TACC2: variants seen among roughly 807,000 people sequenced by gnomAD.
The protein encoded by TACC2 is transforming acidic coiled-coil containing protein 2.
Under a neutral mutation model 227.3 loss-of-function variants are expected in TACC2, and 137 were observed. The ratio of observed to expected loss-of-function variants is 0.60; its 90% CI spans 0.52 to 0.69. TACC2 has a LOEUF of 0.69. Among genes scored for constraint, TACC2 ranks in the 30% least tolerant of loss-of-function variants. TACC2 has a pLI of 0.00. For missense variants in TACC2, 3,470 were observed against 3,694.4 expected (o/e 0.94, Z 1.57); for synonymous variants, 1,523 against 1,487.5 (o/e 1.02, Z -0.55).
intron 7 of TACC2, among the ~76,000 whole-genome samples, chr10:122,193,318 A>G (rs1350586968): frequency 6.6e-6 from 1 of 152,122 alleles, no homozygotes; most frequent in Non-Finnish European, 1.5e-5. Context: ...ATTGATACAG[A>G]TTTTCTGAAG....
chr10:122,167,046 T>A (rs1040568481), intron 7 of TACC2, among the ~76,000 whole-genome samples: 11 of 152,204 alleles, frequency 7.2e-5, no homozygotes, highest in African/African-American at 2.7e-4. Flanking sequence ...GTCCTTTATG[T>A]AGTTGGAGAC....
chr10:122,248,655 G>T lies in TACC2; in HGVS notation c.8405G>T (p.Arg2802Ile), dbSNP rs2096183386. 1 of 1,613,232 alleles carries T rather than the reference G, an allele frequency of 6.2e-7. No homozygotes were observed. The highest frequency in any genetic ancestry group is 1.3e-5 in the African/African-American group (1 of 74,910). The change falls in exon 20 of 23, where the codon AGA becomes ATA. Residue 2802 changes from arginine (R) to isoleucine (I), a missense_variant. This residue lies in a region of TACC2 where 65 missense variants were observed against 119.3 expected (regional missense o/e 0.54). Transcript: ENST00000369005. The part of the protein sequence containing the change: ...TIAQMIEDEQ[R>I]EKSVSHQTVQ... Reference sequence around the variant, plus strand: ...TCTCTCCTGCCAGAGGACGAACAGAGAGAGAAGTCAGTCTCCCACCAGACG... The same window carrying T: ...TCTCTCCTGCCAGAGGACGAACAGATAGAGAAGTCAGTCTCCCACCAGACG...
chr10:122,253,534 T>A (rs1397961671), intron 22 of TACC2, among the ~76,000 whole-genome samples: 1 of 151,846 alleles, frequency 6.6e-6, no homozygotes, highest in African/African-American at 2.4e-5. Flanking sequence ...CTCTGAGCAA[T>A]GCCAGTGATC....
chr10:122,105,944 CTGTGTGTGTG>C (rs71022897), intron 5 of TACC2, among the ~76,000 whole-genome samples: 8 of 145,166 alleles, frequency 5.5e-5, no homozygotes, highest in African/African-American at 2.1e-4. Flanking sequence ...TTTTCTCTCT[CTGTGTGTGTG>C]TGTGTGTGTG....
chr10:122,087,794 A>G lies in TACC2; in HGVS notation c.5294A>G (p.His1765Arg), dbSNP rs1434105447. ...APGMEGTAALHGDSPARPQQA... is the reference protein window; with the variant it reads ...APGMEGTAALRGDSPARPQQA... ...GGGATGGAGGGTACAGCTGCCCTTC[A>G]TGGGGACAGCCCAGCCAGGCCCCAG... Residue 1765 changes from histidine to arginine, a missense_variant, in exon 4 of 23, where the codon CAT (histidine) becomes CGT (arginine). This residue lies in a region of TACC2 where 1,924 missense variants were observed against 1,978.3 expected (regional missense o/e 0.97). Transcript: ENST00000369005. 7 of 1,591,696 alleles carry G rather than the reference A, an allele frequency of 4.4e-6. No homozygotes were observed. The Admixed American group carries it at 1.0e-4, about 23-fold the overall frequency.
intron 7 of TACC2, among the ~76,000 whole-genome samples, chr10:122,160,877 C>T (rs868641774): frequency 2.0e-5 from 3 of 152,202 alleles, no homozygotes; most frequent in Non-Finnish European, 4.4e-5. Context: ...ATAATTTACA[C>T]AAACTAATCA....
At chr10:122,128,433 T>C (rs924967033) in intron 5 of TACC2, among the ~76,000 whole-genome samples, 1 of 152,190 alleles carries the variant, frequency 6.6e-6, no homozygotes, top group African/African-American at 2.4e-5. Context: ...TAGGTGAAAA[T>C]GCCATCACGT....
chr10:122,239,674 C>T lies in TACC2; in HGVS notation c.8348+1637C>T, dbSNP rs187927531. Among the ~76,000 whole-genome samples, 96 of 152,240 alleles carry T rather than the reference C, an allele frequency of 6.3e-4. 1 individual carries two copies. In the East Asian group the frequency reaches 0.013, roughly 20 times the overall value. ...TTTTGCCTCCTGGGAGCTTTGCCTTCTTGGTGCCTGGGGAGTGCTTATTCG... is the reference window on the plus strand; with the variant it reads ...TTTTGCCTCCTGGGAGCTTTGCCTTTTTGGTGCCTGGGGAGTGCTTATTCG... On this transcript the variant is annotated intron_variant, in intron 18 of 22. Transcript: ENST00000369005.
intron 1 of TACC2, among the ~76,000 whole-genome samples, chr10:122,005,542 G>A (rs988764484): frequency 2.7e-5 from 4 of 149,864 alleles, no homozygotes; most frequent in East Asian, 2.0e-4. Flanking sequence ...TCACCACCAC[G>A]CCCGGCTGAT....
chr10:122,056,724 C>T (rs4751866), intron 3 of TACC2, among the ~76,000 whole-genome samples: 22,328 of 152,150 alleles, frequency 0.15, 2,027 homozygotes, highest in East Asian at 0.32. Flanking sequence ...CTGAACTGGA[C>T]CTCTCTAGGG....
intron 2 of TACC2, among the ~76,000 whole-genome samples, chr10:122,032,716 T>G (rs1041741430): frequency 5.3e-5 from 8 of 152,160 alleles, no homozygotes; most frequent in African/African-American, 1.9e-4. Context: ...TCCCAGCACT[T>G]TGGGAGACCG....
intron 7 of TACC2, among the ~76,000 whole-genome samples, chr10:122,162,455 A>G (rs887095168): frequency 1.1e-4 from 16 of 152,210 alleles, no homozygotes; most frequent in African/African-American, 3.6e-4. Flanking sequence ...GGAAATGTGG[A>G]AGAGTCTTCC....
chr10:122,044,135 C>T (rs909178673), intron 2 of TACC2, among the ~76,000 whole-genome samples: 2 of 152,214 alleles, frequency 1.3e-5, no homozygotes, highest in Non-Finnish European at 2.9e-5. Context: ...CCAGCTCTCT[C>T]GGGCTTCGAA....
chr10:122,128,438 T>G (rs2087298945), intron 5 of TACC2, among the ~76,000 whole-genome samples: 1 of 152,224 alleles, frequency 6.6e-6, no homozygotes, highest in Non-Finnish European at 1.5e-5. Context: ...GAAAATGCCA[T>G]CACGTAGAAT....
In TACC2 at chr10:122,082,950, C is replaced by G. The variant is rs770318243; in HGVS notation, c.450C>G (p.Ile150Met). ...CTGCCCCAAATGCCCCAGGAGACAT[C>G]GCGGCGGCATTTCCCGCTGAGAGGG... ...REPAPNAPGD[I>M]AAAFPAERDS... The change falls in exon 4 of 23, where the codon ATC (isoleucine) becomes ATG (methionine). Residue 150 changes from isoleucine (I) to methionine (M), a missense_variant. Ile to Met is a conservative substitution (Grantham distance 10). Transcript: ENST00000369005. 6.2e-7 allele frequency: 1 copy of G among 1,612,876 alleles called. No individual in the cohort carries two copies. Among genetic ancestry groups the G allele is most frequent in the Non-Finnish European group, 8.5e-7 (1 of 1,180,024 alleles).
At chr10:122,155,194 C>A (rs988524603) in intron 7 of TACC2, among the ~76,000 whole-genome samples, 2 of 152,174 alleles carry the variant, frequency 1.3e-5, no homozygotes, top group South Asian at 4.1e-4. Flanking sequence ...GCCCCTCCCA[C>A]CACAGAGGCG....
chr10:122,147,098 C>T (rs540544907), intron 7 of TACC2, among the ~76,000 whole-genome samples: 1 of 152,240 alleles, frequency 6.6e-6, no homozygotes, highest in South Asian at 2.1e-4. Flanking sequence ...CTGACATTGA[C>T]CTCAGTTGCT....
At chr10:122,104,237 A>G (rs7896441) in intron 5 of TACC2, among the ~76,000 whole-genome samples, 37,923 of 152,060 alleles carry the variant, frequency 0.25, 4,987 homozygotes, top group Middle Eastern at 0.38. Context: ...TTTCAGCTCA[A>G]TGTTTCACCA....
intron 19 of TACC2, among the ~76,000 whole-genome samples, chr10:122,242,771 A>C (rs918466825): frequency 2.0e-5 from 3 of 152,060 alleles, no homozygotes; most frequent in Non-Finnish European, 4.4e-5. Flanking sequence ...TTTAAAATTA[A>C]TTAATTATTT....
Sources: allele counts gnomAD v4.1 joint callset (sites outside exome capture counted in the v4.1 genomes callset), GRCh38; gene constraint gnomAD v4.1.1; regional missense constraint gnomAD v4.1.1; transcripts MANE v1.5; gene names NCBI Gene and HGNC (gene_info 2026-07-23, HGNC 2026-07-21).